Variants in CCR3 observed in about 807,000 individuals in gnomAD.
The protein encoded by CCR3 is C-C chemokine receptor type 3.
For synonymous variants in CCR3, 203 were observed against 179.2 expected (o/e 1.13, Z -1.06); for missense variants, 419 against 437.5 (o/e 0.96, Z 0.38).
chr3:46,213,389 A>T (rs1453219993), intron 2 of CCR3, among the ~76,000 whole-genome samples: 2 of 152,274 alleles, frequency 1.3e-5, no homozygotes, highest in African/African-American at 2.4e-5. Context: ...ATTTTAAGGC[A>T]TAACCTCAGA....
chr3:46,264,202 C>T (rs1462942864), intron 1 of CCR3: 1 of 547,518 alleles, frequency 1.8e-6, no homozygotes, highest in Non-Finnish European at 3.2e-6. Context: ...CTCCTGCTTA[C>T]CCCTTTGTGA....
intron 2 of CCR3, among the ~76,000 whole-genome samples, chr3:46,227,919 C>A (rs1699920676): frequency 6.6e-6 from 1 of 151,902 alleles, no homozygotes; most frequent in Non-Finnish European, 1.5e-5. Context: ...TAAAACCCTG[C>A]ATATGGTTTA....
rs1553644057 is a variant in CCR3 at position 46,242,963 on chromosome 3, G to GTATATATATATATACACACATATATA, written c.-12+439_-12+440insCACACATATATATATATATATATATA. ...AAAATATAATTTTACATATATATGT[G>GTATATATATATATACACACATATATA]TATATATATATATATACACATATAT... is the stretch of plus-strand genomic sequence containing the variant. On this transcript the variant is annotated intron_variant, in intron 1 of 1. Coordinates refer to ENST00000395940, the MANE Select transcript of CCR3 (RefSeq NM_178329.3). Among the ~76,000 whole-genome samples the GTATATATATATATACACACATATATA allele has an allele frequency of 4.5e-4, 39 of 86,290 alleles. 1 individual carries two copies. The East Asian group carries it at 0.025, about 55-fold the overall frequency. The allele number at this position is 86,290 out of a possible 152,430, so 56.6% of individuals were successfully genotyped here. A position where few individuals can be genotyped will look rare whatever the true frequency, so the allele number is the denominator to read the frequency against.
intron 1 of CCR3, among the ~76,000 whole-genome samples, chr3:46,255,369 T>G (rs1447971366): frequency 6.6e-6 from 1 of 152,228 alleles, no homozygotes; most frequent in Non-Finnish European, 1.5e-5. Flanking sequence ...GCTGATTATT[T>G]CTTTTGCTGT....
intron 2 of CCR3, among the ~76,000 whole-genome samples, chr3:46,233,863 C>T (rs967336446): frequency 3.3e-5 from 5 of 152,228 alleles, no homozygotes; most frequent in Admixed American, 3.3e-4. Context: ...TGTGGCTAGC[C>T]CAAGCTCTGG....
chr3:46,265,213 G>A lies in CCR3; in HGVS notation c.55G>A (p.Asp19Asn). The A allele has an allele frequency of 6.2e-7, 1 of 1,614,074 alleles. No homozygotes were observed. Among genetic ancestry groups the A allele is most frequent in the Non-Finnish European group, 8.5e-7 (1 of 1,179,986 alleles). Residue 19 changes from aspartate to asparagine, a missense_variant, in exon 2 of 2, where the codon GAC (aspartate) becomes AAC (asparagine). Transcript: ENST00000395940. ...CTTTGGTACCACATCCTACTATGAT[G>A]ACGTGGGCCTGCTCTGTGAAAAAGC... ...ETFGTTSYYD[D>N]VGLLCEKADT...
At chr3:46,238,038 C>T (rs1041385265), upstream of CCR3, among the ~76,000 whole-genome samples, 6 of 152,310 alleles carry the variant, frequency 3.9e-5, 1 homozygote, top group Middle Eastern at 0.01. Flanking sequence ...ATTACATATT[C>T]CTGAGAACCA....
At chr3:46,245,289 G>T (rs909634331) in intron 1 of CCR3, among the ~76,000 whole-genome samples, 1 of 150,110 alleles carries the variant, frequency 6.7e-6, no homozygotes, top group African/African-American at 2.5e-5. Flanking sequence ...CCCTCATTCC[G>T]TTCCTGCACT....
At chr3:46,239,653 T>A (rs1700059408), upstream of CCR3, among the ~76,000 whole-genome samples, 1 of 152,196 alleles carries the variant, frequency 6.6e-6, no homozygotes, top group Non-Finnish European at 1.5e-5. Context: ...ATGTGTGAGC[T>A]TGGACAGGTC....
At chr3:46,215,805 A>C (rs71327039) in intron 2 of CCR3, among the ~76,000 whole-genome samples, 10,429 of 152,250 alleles carry the variant, frequency 0.068, 586 homozygotes, top group South Asian at 0.27. Flanking sequence ...GCAACCCAGC[A>C]CACCCCAGCA....
chr3:46,222,159 G>A (rs536910005), intron 2 of CCR3, among the ~76,000 whole-genome samples: 44 of 152,310 alleles, frequency 2.9e-4, no homozygotes, highest in African/African-American at 1.0e-3. Context: ...AGAGCAGTGA[G>A]ACAGAGGAAG....
intron 2 of CCR3, among the ~76,000 whole-genome samples, chr3:46,228,398 G>A (rs1030130826): frequency 2.0e-5 from 3 of 152,084 alleles, no homozygotes; most frequent in Admixed American, 2.0e-4. Context: ...AGTAAATAGC[G>A]AGTAACTTTC....
chr3:46,241,744 G>A (rs554913311), upstream of CCR3, among the ~76,000 whole-genome samples: 2 of 152,104 alleles, frequency 1.3e-5, no homozygotes, highest in Non-Finnish European at 2.9e-5. Flanking sequence ...AACCTTTGCA[G>A]CCACATTTTG....
intron 1 of CCR3, among the ~76,000 whole-genome samples, chr3:46,255,059 CTA>C (rs1446746063): frequency 6.0e-5 from 4 of 66,202 alleles, no homozygotes; most frequent in African/African-American, 3.0e-4. Flanking sequence ...ACGCCAACAT[CTA>C]TTTTTTTTTT....
intron 2 of CCR3, among the ~76,000 whole-genome samples, chr3:46,226,574 C>T (rs1341726616): frequency 6.6e-6 from 1 of 152,122 alleles, no homozygotes; most frequent in East Asian, 1.9e-4. Flanking sequence ...TCTATGTAGA[C>T]CGCTATGTCT....
intron 1 of CCR3, among the ~76,000 whole-genome samples, chr3:46,256,871 C>G (rs1229998596): frequency 6.6e-6 from 1 of 151,992 alleles, no homozygotes; most frequent in African/African-American, 2.4e-5. Context: ...GAGCCAAGAC[C>G]TCGAGAAATT....
At chr3:46,252,034 C>G (rs557229579) in intron 1 of CCR3, among the ~76,000 whole-genome samples, 1 of 152,142 alleles carries the variant, frequency 6.6e-6, no homozygotes, top group Non-Finnish European at 1.5e-5. Flanking sequence ...ACAGGGGATG[C>G]AATGGCTTGG....
intron 2 of CCR3, among the ~76,000 whole-genome samples, chr3:46,221,760 T>G (rs1325740159): frequency 6.6e-6 from 1 of 152,218 alleles, no homozygotes; most frequent in African/African-American, 2.4e-5. Context: ...TTCCGGTTGT[T>G]GAAATGCACA....
In CCR3 at chr3:46,265,935, CCTT is replaced by C. The variant is rs1195265934; in HGVS notation, c.780_782del (p.Leu261del). The stretch of plus-strand genomic sequence containing the variant: ...TCTGGACACCCTACAATGTGGCTAT[CCTT>C]CTCTCTTCCTATCAATCCATCTTAT... On this transcript the variant is annotated inframe_deletion, in exon 2 of 2. Coordinates refer to ENST00000395940, the MANE Select transcript of CCR3 (RefSeq NM_178329.3). 2 of 1,613,982 alleles carry C rather than the reference CCTT, an allele frequency of 1.2e-6. No homozygotes were observed. Among genetic ancestry groups the C allele is most frequent in the Non-Finnish European group, 1.7e-6 (2 of 1,180,018 alleles).
Sources: gnomAD v4.1 joint callset for allele counts (sites outside exome capture counted in the v4.1 genomes callset) on GRCh38, gnomAD v4.1.1 for gene constraint, MANE v1.5 for transcripts, NCBI Gene and HGNC (gene_info 2026-07-23, HGNC 2026-07-21) for gene names.